ZBTB46: variants seen among roughly 807,000 people sequenced by gnomAD.
The protein encoded by ZBTB46 is zinc finger and BTB domain-containing protein 46.
ZBTB46 carries 8 observed loss-of-function variants against 44.1 expected under a neutral mutation model. The observed-to-expected ratio is 0.18, with a 90% confidence interval of 0.11 to 0.33. The LOEUF is 0.33. Among genes scored for constraint, ZBTB46 ranks in the 10% least tolerant of loss-of-function variants. The probability of loss-of-function intolerance (pLI) is 1.00; values close to 1 mark genes in which losing one functional copy is unlikely to be tolerated. For missense variants in ZBTB46, 651 were observed against 847.7 expected (o/e 0.77, Z 2.88); for synonymous variants, 409 against 382.3 (o/e 1.07, Z -0.81).
chr20:63,791,062 A>G, intron 1 of ZBTB46: 1 of 348,150 alleles, frequency 2.9e-6, no homozygotes, highest in Non-Finnish European at 5.2e-6. Flanking sequence ...AGAATCCCAC[A>G]TACGGCAACT....
In ZBTB46 at chr20:63,790,183, CCGT is replaced by C; in HGVS notation, c.572_574del (p.Asp191del). ...ATCCTCTTTCCCGTAGCTGCTCCCTCCGTCGTGACAGCTGGCGATGGCCGAGTC... is the reference window on the plus strand; with the variant it reads ...ATCCTCTTTCCCGTAGCTGCTCCCTCCGTGACAGCTGGCGATGGCCGAGTC... On this transcript the variant is annotated inframe_deletion, in exon 2 of 5. Transcript: ENST00000245663. The C allele has an allele frequency of 6.2e-7, 1 of 1,613,700 alleles. No homozygotes were observed. The highest frequency in any genetic ancestry group is 8.5e-7 in the Non-Finnish European group (1 of 1,179,974).
chr20:63,758,921 A>AT (rs1160498717), intron 3 of ZBTB46, among the ~76,000 whole-genome samples: 1 of 15,320 alleles, frequency 6.5e-5, no homozygotes, highest in African/African-American at 5.4e-4. Context: ...TTTAATAGAG[A>AT]CGGGTTTCAC....
In ZBTB46 at chr20:63,747,344, G is replaced by GAA. The variant is rs763583869; in HGVS notation, c.1399-44_1399-43insTT. On this transcript the variant is annotated intron_variant, in intron 4 of 4. Transcript: ENST00000245663. Reference sequence around the variant, plus strand: ...GGGGTGAGCAGGGCCTGGTGGGTTGGGGGGCGGGGCAGGGGGTGAGCAGGG... The same window carrying GAA: ...GGGGTGAGCAGGGCCTGGTGGGTTGGAAGGGGCGGGGCAGGGGGTGAGCAGGG... 1.4e-3 allele frequency: 1,886 copies of GAA among 1,339,326 alleles called. 79 individuals carry two copies. In the African/African-American group the frequency reaches 0.027, roughly 19 times the overall value. The allele number at this position is 1,339,326 out of a possible 1,614,324, so 83.0% of individuals were successfully genotyped here.
intron 2 of ZBTB46, 130 bp from the exon 3 acceptor site, chr20:63,776,092 A>C (rs1432942199): frequency 8.4e-7 from 1 of 1,193,104 alleles, no homozygotes; most frequent in Non-Finnish European, 1.1e-6. Context: ...AGTCCAGCCC[A>C]CCCTGGGAGC....
upstream of ZBTB46, among the ~76,000 whole-genome samples, chr20:63,832,791 G>C (rs114033486): frequency 3.3e-3 from 506 of 152,230 alleles, 4 homozygotes; most frequent in African/African-American, 0.011. The surrounding 1 kb of genome is among the most constrained non-coding windows in gnomAD (Gnocchi z 5.0). Flanking sequence ...ACCGACCTTC[G>C]GGAAGTGGGG....
chr20:63,784,261 A>C (rs998877030), intron 2 of ZBTB46, among the ~76,000 whole-genome samples: 1 of 152,188 alleles, frequency 6.6e-6, no homozygotes, highest in Non-Finnish European at 1.5e-5. Context: ...CTGGTCCAAG[A>C]AGCAGCTCGA....
intron 4 of ZBTB46, among the ~76,000 whole-genome samples, chr20:63,749,347 A>T (rs1177541062): frequency 6.6e-6 from 1 of 151,692 alleles, no homozygotes; most frequent in Admixed American, 6.6e-5. Flanking sequence ...TTATTTATTT[A>T]TTTTTTTGAA....
intron 3 of ZBTB46, among the ~76,000 whole-genome samples, chr20:63,762,082 A>G (rs1341179911): frequency 2.6e-5 from 4 of 152,208 alleles, no homozygotes; most frequent in Non-Finnish European, 5.9e-5. Context: ...TGTTACAGCC[A>G]GTATCTCTAT....
intron 1 of ZBTB46, among the ~76,000 whole-genome samples, chr20:63,813,936 GA>G (rs1458372675): frequency 6.6e-5 from 10 of 152,046 alleles, no homozygotes; most frequent in Non-Finnish European, 2.9e-5. Flanking sequence ...ACACTTGAGA[GA>G]AAAAACAGTG....
chr20:63,804,474 G>A (rs144253192), intron 1 of ZBTB46, among the ~76,000 whole-genome samples: 12 of 152,206 alleles, frequency 7.9e-5, no homozygotes, highest in South Asian at 2.1e-4. Flanking sequence ...CCTCCCGGGC[G>A]TCACTGTTCT....
At chr20:63,796,300 C>T (rs1440948324) in intron 1 of ZBTB46, among the ~76,000 whole-genome samples, 2 of 152,180 alleles carry the variant, frequency 1.3e-5, no homozygotes, top group African/African-American at 2.4e-5. Flanking sequence ...GCAGGGAGGG[C>T]GGGAGGCCTC....
chr20:63,799,765 C>T (rs1238590551), intron 1 of ZBTB46, among the ~76,000 whole-genome samples: 1 of 152,180 alleles, frequency 6.6e-6, no homozygotes, highest in Non-Finnish European at 1.5e-5. Context: ...GCGCCCGGAA[C>T]CACAGCAAGC....
chr20:63,746,142 G>A lies in ZBTB46; in HGVS notation c.*788C>T, dbSNP rs905370560. 2.6e-5 allele frequency: 4 copies of A among 152,802 alleles called. No homozygotes were observed. The highest frequency in any genetic ancestry group is 1.9e-4 in the East Asian group (1 of 5,308). 9.5% of individuals were successfully genotyped at this position (152,802 alleles called of 1,614,324 possible). A position where few individuals can be genotyped will look rare whatever the true frequency, so the allele number is the denominator to read the frequency against. ...GGGCAGAACAGGACGGGCAGAGCCC[G>A]GGGTGGACGTGGCAGCCCAAGGCTC... On this transcript the variant is annotated 3_prime_UTR_variant, in exon 5 of 5. Transcript: ENST00000245663.
rs1490065094 is a variant in ZBTB46 at position 63,781,117 on chromosome 20, G to C, written c.938-5155C>G. ...GATGGTGCCACTGCACTCCAGCCTG[G>C]GTGGCAGAGCAAGACTCTGCCTCAA... On this transcript the variant is annotated intron_variant, in intron 2 of 4. Transcript: ENST00000245663. Among the ~76,000 whole-genome samples, 7 of 145,860 alleles carry C rather than the reference G, an allele frequency of 4.8e-5. No homozygotes were observed. The South Asian group carries it at 1.5e-3, about 32-fold the overall frequency.
chr20:63,748,854 A>G (rs968488257), intron 4 of ZBTB46, among the ~76,000 whole-genome samples: 1 of 152,232 alleles, frequency 6.6e-6, no homozygotes, highest in African/African-American at 2.4e-5. Flanking sequence ...CCCATGAGCA[A>G]GTACATACAT....
chr20:63,828,788 T>C (rs771646185), intron 1 of ZBTB46, among the ~76,000 whole-genome samples: 1 of 152,170 alleles, frequency 6.6e-6, no homozygotes, highest in Non-Finnish European at 1.5e-5. Flanking sequence ...GTCACGGCAG[T>C]GGGAGGAACC....
chr20:63,803,225 C>T lies in ZBTB46; in HGVS notation c.-33-12435G>A, dbSNP rs1342862994. On this transcript the variant is annotated intron_variant, in intron 1 of 4. Transcript: ENST00000245663. This position sits in a 1 kb window ranked among gnomAD's most constrained non-coding sequence, Gnocchi z 4.0. ...GCGCCTCACCAGCAGGAACCAGGCACCTCCCCTCACACCAAGGCGTTCATG... is the reference window on the plus strand; with the variant it reads ...GCGCCTCACCAGCAGGAACCAGGCATCTCCCCTCACACCAAGGCGTTCATG... 2 of 861,774 alleles carry T rather than the reference C, an allele frequency of 2.3e-6. No individual in the cohort carries two copies. Among genetic ancestry groups the T allele is most frequent in the Non-Finnish European group, 2.8e-6 (2 of 717,476 alleles). The allele number at this position is 861,774 out of a possible 1,614,324, so 53.4% of individuals were successfully genotyped here.
At chr20:63,762,693 T>C (rs974995508) in intron 3 of ZBTB46, among the ~76,000 whole-genome samples, 6 of 150,738 alleles carry the variant, frequency 4.0e-5, no homozygotes, top group Non-Finnish European at 5.9e-5. Flanking sequence ...AAAAACCAAC[T>C]GAGCTGTTAG....
At chr20:63,762,321 CTT>C (rs1037371618) in intron 3 of ZBTB46, among the ~76,000 whole-genome samples, 6 of 152,088 alleles carry the variant, frequency 3.9e-5, no homozygotes, top group Admixed American at 2.0e-4. Flanking sequence ...GAAGTTATCT[CTT>C]TTTTTAGTTC....
Sources: gnomAD v4.1 joint callset for allele counts (sites outside exome capture counted in the v4.1 genomes callset) on GRCh38, gnomAD v4.1.1 for gene constraint, Gnocchi (gnomAD v3.1) non-coding constraint, MANE v1.5 for transcripts, NCBI Gene and HGNC (gene_info 2026-07-23, HGNC 2026-07-21) for gene names.